The following VPS13D variants were observed in gnomAD, a reference collection of about 807,000 sequenced individuals.
VPS13D encodes vacuolar protein sorting 13 homolog D.
Under a neutral mutation model 461.9 loss-of-function variants are expected in VPS13D, and 187 were observed. That is an observed-to-expected ratio of 0.40 (90% CI 0.36 to 0.46). VPS13D has a LOEUF of 0.46. VPS13D is among the 20% of genes least tolerant of loss of function. The probability of loss-of-function intolerance (pLI) is 0.60; values close to 1 mark genes in which losing one functional copy is unlikely to be tolerated. For synonymous variants in VPS13D, 1,951 were observed against 1,986.3 expected, an observed-to-expected ratio of 0.98 and a Z score of 0.47; for missense variants, 4,711 against 5,364.9, an observed-to-expected ratio of 0.88 and a Z score of 3.81.
At chr1:12,464,711 G>A (rs1303416293) in intron 67 of VPS13D, among the ~76,000 whole-genome samples, 1 of 152,156 alleles carries the variant, frequency 6.6e-6, no homozygotes, top group Non-Finnish European at 1.5e-5. Flanking sequence ...GAAGGCAGGT[G>A]GGGGTGGGGA....
At chr1:12,341,687 A>T (rs1054857092) in intron 40 of VPS13D, 93 bp from the exon 41 acceptor site, 1 of 1,111,718 alleles carries the variant, frequency 9.0e-7, no homozygotes, top group Admixed American at 1.9e-5. Context: ...CCTTTGCACA[A>T]GAGACAAATT....
At chr1:12,245,708 C>T (rs1004696181) in intron 5 of VPS13D, among the ~76,000 whole-genome samples, 2 of 151,964 alleles carry the variant, frequency 1.3e-5, no homozygotes, top group African/African-American at 4.8e-5. Context: ...CCATTCTGGG[C>T]AACAGACCAA....
chr1:12,373,994 C>A, intron 55 of VPS13D, 136 bp downstream of exon 55: 1 of 550,960 alleles, frequency 1.8e-6, no homozygotes, highest in Non-Finnish European at 3.0e-6. Flanking sequence ...CTTGGCATTT[C>A]CAGGTCAGTG....
At chr1:12,372,231 A>T (rs561863068) in intron 54 of VPS13D, among the ~76,000 whole-genome samples, 38 of 151,108 alleles carry the variant, frequency 2.5e-4, no homozygotes, top group African/African-American at 8.0e-4. Flanking sequence ...TTGAAAAAAA[A>T]TTTTTTTTTG....
chr1:12,457,227 C>G (rs1241503746), intron 66 of VPS13D, among the ~76,000 whole-genome samples: 1 of 152,242 alleles, frequency 6.6e-6, no homozygotes, highest in Admixed American at 6.5e-5. Flanking sequence ...TTTGGCCACA[C>G]ACAGCTATGT....
At chr1:12,273,775 C>G (rs183979621) in intron 18 of VPS13D, among the ~76,000 whole-genome samples, 2 of 151,048 alleles carry the variant, frequency 1.3e-5, no homozygotes, top group Non-Finnish European at 3.0e-5. Flanking sequence ...TGTGGCTGTT[C>G]CGCGTTTTGT....
At chr1:12,478,692 C>T (rs558097181) in intron 67 of VPS13D, 1 of 438,802 alleles carries the variant, frequency 2.3e-6, no homozygotes, top group East Asian at 7.1e-5. Flanking sequence ...AGGGTCAAGG[C>T]ACGGTGATGT....
At chr1:12,298,526 G>A (rs1161427960) in intron 24 of VPS13D, among the ~76,000 whole-genome samples, 2 of 152,024 alleles carry the variant, frequency 1.3e-5, no homozygotes, top group African/African-American at 2.4e-5. Flanking sequence ...CGTAATCCCA[G>A]CTACTCGGGA....
chr1:12,342,596 A>G (rs1008463006), intron 41 of VPS13D, among the ~76,000 whole-genome samples: 1 of 151,988 alleles, frequency 6.6e-6, no homozygotes, highest in Non-Finnish European at 1.5e-5. Context: ...AATTCCAACT[A>G]ATCACTTAAA....
chr1:12,427,609 T>C (rs533681042), intron 65 of VPS13D, among the ~76,000 whole-genome samples: 39 of 152,346 alleles, frequency 2.6e-4, no homozygotes, highest in African/African-American at 8.9e-4. Flanking sequence ...TAATGTGTTA[T>C]AAGTAATCTA....
Position 12,282,874 on chromosome 1 carries a change from A to G in VPS13D, c.4772A>G (p.Asn1591Ser). The G allele has an allele frequency of 6.2e-7, 1 of 1,614,068 alleles. No individual in the cohort carries two copies. The highest frequency in any genetic ancestry group is 8.5e-7 in the Non-Finnish European group (1 of 1,180,000). Residue 1591 changes from asparagine to serine, a missense_variant, in exon 21 of 70, where the codon AAT becomes AGT. Asn to Ser is a conservative substitution (Grantham distance 46). This residue lies in a region of VPS13D where 4,411 missense variants were observed against 4,937.8 expected (regional missense o/e 0.89). Coordinates refer to ENST00000620676, the MANE Select transcript of VPS13D (RefSeq NM_015378.4). ...CGESSVERKE[N>S]GLFSHSSLSN... ...GAATCTTCTGTTGAAAGGAAGGAGA[A>G]TGGATTGTTCAGCCACTCCAGCCTT...
At chr1:12,390,795 G>A (rs1475117528) in intron 60 of VPS13D, among the ~76,000 whole-genome samples, 2 of 152,216 alleles carry the variant, frequency 1.3e-5, no homozygotes, top group Non-Finnish European at 2.9e-5. Context: ...GGAAGTCCAT[G>A]TTGCTGAGCC....
rs1046854808 is a variant in VPS13D, at chr1:12,290,937, T to C, written c.5726-61T>C. The C allele has an allele frequency of 2.7e-6, 4 of 1,507,096 alleles. No individual in the cohort carries two copies. In the African/African-American group the frequency reaches 4.2e-5, roughly 16 times the overall value. 93.4% of individuals were successfully genotyped at this position (1,507,096 alleles called of 1,614,324 possible). On this transcript the variant is annotated intron_variant, in intron 22 of 69. Coordinates refer to ENST00000620676, the MANE Select transcript of VPS13D (RefSeq NM_015378.4). ...TGTATACCAGCTTTTGTTCCAGACA[T>C]ATTTAAGTTGTGTGACAAAAAAGGA...
chr1:12,310,793 T>TTCCTTCCCTCCC (rs1399319462), intron 27 of VPS13D, among the ~76,000 whole-genome samples: 2 of 127,070 alleles, frequency 1.6e-5, no homozygotes, highest in African/African-American at 6.3e-5. Context: ...CCTTCCTTCC[T>TTCCTTCCCTCCC]TCCCTCCCTC....
chr1:12,355,636 T>C (rs1643878654), intron 47 of VPS13D, among the ~76,000 whole-genome samples: 1 of 152,102 alleles, frequency 6.6e-6, no homozygotes, highest in Non-Finnish European at 1.5e-5. Context: ...TATCAAAATA[T>C]CTAATTTATA....
Position 12,273,060 on chromosome 1 carries a change from C to T in VPS13D, c.2161C>T (p.Pro721Ser), listed in dbSNP as rs1477037676. The T allele has an allele frequency of 1.9e-6, 3 of 1,614,016 alleles. No individual in the cohort carries two copies. The highest frequency in any genetic ancestry group is 1.7e-5 in the Admixed American group (1 of 60,014). ...LDISAPQVIF[P>S]DDFKFKNPVL... ...TATTTCTGCCCCTCAGGTGATATTT[C>T]CTGATGATTTCAAATTCAAGAATCC... is the stretch of plus-strand genomic sequence containing the variant. Residue 721 changes from proline to serine, a missense_variant, in exon 18 of 70, where the codon CCT becomes TCT. Coordinates refer to ENST00000620676, the MANE Select transcript of VPS13D (RefSeq NM_015378.4).
chr1:12,392,466 C>G (rs1330105098), intron 60 of VPS13D, among the ~76,000 whole-genome samples: 1 of 135,716 alleles, frequency 7.4e-6, no homozygotes, highest in Non-Finnish European at 1.5e-5. Context: ...GCAACAAGAG[C>G]AAGACTCTCT....
intron 67 of VPS13D, among the ~76,000 whole-genome samples, chr1:12,474,256 CT>C (rs1645600950): frequency 6.6e-6 from 1 of 152,102 alleles, no homozygotes; most frequent in Non-Finnish European, 1.5e-5. Context: ...TCATCCAGCT[CT>C]TTTGATAAAC....
At position 12,283,613 on chromosome 1, in the gene VPS13D, C is replaced by T. The variant is rs1196300416; in HGVS notation, c.5511C>T (p.Ser1837=). Residue 1837 remains serine (S), a synonymous_variant, in exon 21 of 70, where the codon TCC becomes TCT. Coordinates refer to ENST00000620676, the MANE Select transcript of VPS13D (RefSeq NM_015378.4). The stretch of plus-strand genomic sequence containing the variant: ...TATTAGACTTTTTTGGAATCGGCTC[C>T]ACTGCAGACAACCACGCAATGAGGC... ...VVILDFFGIG[S]TADNHAMRLP... 1 of 1,614,176 alleles carries T rather than the reference C, an allele frequency of 6.2e-7. No homozygotes were observed. The highest frequency in any genetic ancestry group is 1.7e-5 in the Admixed American group (1 of 60,026).
Sources: allele counts gnomAD v4.1 joint callset (sites outside exome capture counted in the v4.1 genomes callset), GRCh38; gene constraint gnomAD v4.1.1; regional missense constraint gnomAD v4.1.1; transcripts MANE v1.5; gene names NCBI Gene and HGNC (gene_info 2026-07-23, HGNC 2026-07-21).